The following PXDN variants were observed in gnomAD, a reference collection of about 807,000 sequenced individuals.
The protein encoded by PXDN is peroxidasin homolog.
Under a neutral mutation model 140.3 loss-of-function variants are expected in PXDN, and 77 were observed. The ratio of observed to expected loss-of-function variants is 0.55; its 90% CI spans 0.46 to 0.66. The LOEUF is 0.66. Ranked by LOEUF, PXDN falls within the 30% of genes least tolerant of loss-of-function variation. PXDN has a pLI of 0.00. For missense variants in PXDN, 1,838 were observed against 2,039.5 expected (o/e 0.90, Z 1.90); for synonymous variants, 911 against 857.4 (o/e 1.06, Z -1.09).
chr2:1,665,902 T>TA lies in PXDN; in HGVS notation c.1291+311_1291+312insT, dbSNP rs112807360. ...CCACCTTACTGCACATGTGCATGCA[T>TA]GTGTGCACACCCACACACACACACT... On this transcript the variant is annotated intron_variant, in intron 10 of 22. Transcript: ENST00000252804. 1.7e-3 allele frequency among the ~76,000 whole-genome samples: 259 copies of TA among 152,314 alleles called. 1 individual carries two copies. The highest frequency in any genetic ancestry group is 5.9e-3 in the African/African-American group (245 of 41,562).
chr2:1,667,983 C>T lies in PXDN; in HGVS notation c.1019-1497G>A, dbSNP rs188668944. On this transcript the variant is annotated intron_variant, in intron 9 of 22. Transcript: ENST00000252804. ...ATTTCATATGGACCAAAAAGCAGCC[C>T]GTATAGCCAAGACAATCTTAAGCAA... Among the ~76,000 whole-genome samples, 53 of 152,282 alleles carry T rather than the reference C, an allele frequency of 3.5e-4. 1 individual carries two copies. The South Asian group carries it at 4.8e-3, about 14-fold the overall frequency.
intron 6 of PXDN, among the ~76,000 whole-genome samples, chr2:1,682,898 C>T (rs1395243134): frequency 6.6e-6 from 1 of 151,934 alleles, no homozygotes; most frequent in Non-Finnish European, 1.5e-5. Context: ...TGAAATCGAG[C>T]CATTGCACTC....
chr2:1,739,140 A>G (rs908089670), intron 1 of PXDN, among the ~76,000 whole-genome samples: 1 of 151,460 alleles, frequency 6.6e-6, no homozygotes, highest in African/African-American at 2.4e-5. Flanking sequence ...CCACTCATGG[A>G]CGTCTTGAAA....
intron 6 of PXDN, among the ~76,000 whole-genome samples, chr2:1,682,206 A>G (rs569824008): frequency 6.6e-6 from 1 of 152,200 alleles, no homozygotes; most frequent in Non-Finnish European, 1.5e-5. Context: ...AGTCTGCCCT[A>G]AACTTGTCTT....
intron 1 of PXDN, among the ~76,000 whole-genome samples, chr2:1,728,202 T>G (rs1436959619): frequency 1.3e-5 from 2 of 152,222 alleles, no homozygotes; most frequent in Non-Finnish European, 1.5e-5. Flanking sequence ...CCTCCCAAAG[T>G]GCTGGGATTA....
Position 1,685,273 on chromosome 2 carries a change from G to A in PXDN, c.417-1122C>T, listed in dbSNP as rs565772510. Among the ~76,000 whole-genome samples, 9 of 152,352 alleles carry A rather than the reference G, an allele frequency of 5.9e-5. No homozygotes were observed. Among genetic ancestry groups the A allele is most frequent in the East Asian group, 5.8e-4 (3 of 5,172 alleles). The stretch of plus-strand genomic sequence containing the variant: ...GACAGGTCTGTGCTCAGCACTCCGC[G>A]CACGAATGGGAAACGTGAGGGAAGG... On this transcript the variant is annotated intron_variant, in intron 4 of 22. Transcript: ENST00000252804. This position sits in a 1 kb window ranked among gnomAD's most constrained non-coding sequence, Gnocchi z 5.1.
At chr2:1,644,855 T>G in intron 17 of PXDN, 103 bp from the exon 18 acceptor site, 1 of 1,202,088 alleles carries the variant, frequency 8.3e-7, no homozygotes, top group African/African-American at 1.6e-5. Context: ...CTATTTTACA[T>G]TATTTAGAAT....
rs188121802 is a variant in PXDN, at chr2:1,640,567, G to A, written c.3953-1145C>T. On this transcript the variant is annotated intron_variant, in intron 19 of 22. Transcript: ENST00000252804. ...AGTCCCACTGAATGTGTTTATTTCC[G>A]CAGTTAACTATACAGCTTCTGAGTA... Among the ~76,000 whole-genome samples the A allele has an allele frequency of 9.2e-5, 14 of 152,282 alleles. No individual in the cohort carries two copies. The East Asian group carries it at 9.7e-4, about 11-fold the overall frequency.
At chr2:1,661,501 G>C (rs1683302894) in intron 13 of PXDN, among the ~76,000 whole-genome samples, 1 of 152,196 alleles carries the variant, frequency 6.6e-6, no homozygotes, top group Non-Finnish European at 1.5e-5. Context: ...GTGTGGCGAG[G>C]AAGAAAAGGA....
intron 1 of PXDN, among the ~76,000 whole-genome samples, chr2:1,727,122 A>C (rs1179860524): frequency 6.6e-6 from 1 of 152,184 alleles, no homozygotes; most frequent in Non-Finnish European, 1.5e-5. Context: ...TTTGCATCCA[A>C]GTATCTGCTT....
intron 1 of PXDN, among the ~76,000 whole-genome samples, chr2:1,730,529 T>C (rs1426787080): frequency 6.6e-6 from 1 of 152,170 alleles, no homozygotes; most frequent in African/African-American, 2.4e-5. Context: ...CGGGGCTCCT[T>C]GGCTAAAGGG....
chr2:1,692,517 C>A (rs541937596), intron 2 of PXDN: 1 of 471,760 alleles, frequency 2.1e-6, no homozygotes, highest in African/African-American at 2.0e-5. Flanking sequence ...GTCCCCATGA[C>A]CCTGCTCTTA....
chr2:1,699,605 G>T (rs1329670371), intron 1 of PXDN, among the ~76,000 whole-genome samples: 1 of 152,142 alleles, frequency 6.6e-6, no homozygotes, highest in East Asian at 1.9e-4. Flanking sequence ...AGCTACTCGG[G>T]AGGTTGAGGC....
chr2:1,732,566 T>A (rs1224573083), intron 1 of PXDN, among the ~76,000 whole-genome samples: 1 of 152,220 alleles, frequency 6.6e-6, no homozygotes. Context: ...TTGAAAACGA[T>A]GAGCCTTAGT....
chr2:1,700,217 G>A (rs1407839485), intron 1 of PXDN, among the ~76,000 whole-genome samples: 1 of 152,002 alleles, frequency 6.6e-6, no homozygotes, highest in Non-Finnish European at 1.5e-5. Context: ...GCATGCCACT[G>A]CGCCCAGCTA....
At position 1,644,706 on chromosome 2, in the gene PXDN, C is replaced by A. The variant is rs372395551; in HGVS notation, c.3655G>T (p.Val1219Leu). The A allele has an allele frequency of 5.0e-5, 80 of 1,599,610 alleles. No homozygotes were observed. The highest frequency in any genetic ancestry group is 5.1e-5 in the Non-Finnish European group (60 of 1,170,828). The change falls in exon 18 of 23, where the codon GTG (valine) becomes TTG (leucine). Residue 1219 changes from valine (V) to leucine (L), a missense_variant. Val to Leu is a conservative substitution (Grantham distance 32). Coordinates refer to ENST00000252804, the MANE Select transcript of PXDN (RefSeq NM_012293.3). ...LNIDLFPALV[V>L]EDLVPGSRLG... is the part of the protein sequence containing the mutation. ...CGGCTGCCAGGCACCAGGTCCTCCA[C>A]CACGAGCGCCGGAAACAGGTCGATG... is the stretch of plus-strand genomic sequence containing the variant.
At chr2:1,658,059 T>C (rs866051875) in intron 14 of PXDN, among the ~76,000 whole-genome samples, 1,440 of 94,752 alleles carry the variant, frequency 0.015, 38 homozygotes, top group East Asian at 0.024. Context: ...TCTCTCTCTC[T>C]CTCTCTCTCT....
Position 1,660,855 on chromosome 2 carries a change from G to C in PXDN, c.1837+26C>G. ...GGCTTTCTTTGTGGATACCATGTGG[G>C]TAGATGTGGGCATGTGGCATCTTAC... On this transcript the variant is annotated intron_variant, in intron 14 of 22. Coordinates refer to ENST00000252804, the MANE Select transcript of PXDN (RefSeq NM_012293.3). This position sits in a 1 kb window ranked among gnomAD's most constrained non-coding sequence, Gnocchi z 4.6. 1 of 1,598,266 alleles carries C rather than the reference G, an allele frequency of 6.3e-7. No individual in the cohort carries two copies. Among genetic ancestry groups the C allele is most frequent in the Non-Finnish European group, 8.5e-7 (1 of 1,170,336 alleles).
At chr2:1,730,746 T>C (rs1239569825) in intron 1 of PXDN, among the ~76,000 whole-genome samples, 2 of 152,160 alleles carry the variant, frequency 1.3e-5, no homozygotes, top group East Asian at 3.9e-4. Context: ...CCAGGGCACA[T>C]GTGAGGTCAA....
Sources: allele counts gnomAD v4.1 joint callset (sites outside exome capture counted in the v4.1 genomes callset), GRCh38; gene constraint gnomAD v4.1.1; non-coding constraint Gnocchi (gnomAD v3.1); transcripts MANE v1.5; gene names NCBI Gene and HGNC (gene_info 2026-07-23, HGNC 2026-07-21).